Variants in ADGRB3 observed in about 807,000 individuals in gnomAD.
ADGRB3 encodes the protein brain-specific angiogenesis inhibitor 3.
A neutral mutation model predicts 193.4 loss-of-function variants in ADGRB3; 37 were observed. That is an observed-to-expected ratio of 0.19 (90% CI 0.15 to 0.25). The LOEUF is 0.25. Ranked by LOEUF, ADGRB3 falls within the 10% of genes least tolerant of loss-of-function variation. The probability of loss-of-function intolerance (pLI) is 1.00; values close to 1 mark genes in which losing one functional copy is unlikely to be tolerated. For missense variants in ADGRB3, 1,637 were observed against 1,852.9 expected (o/e 0.88, Z 2.14); for synonymous variants, 690 against 644.2 (o/e 1.07, Z -1.08).
rs563244372 is a variant in ADGRB3 at position 68,730,328 on chromosome 6, CTT to C, written c.757+90898_757+90899del. On this transcript the variant is annotated intron_variant, in intron 3 of 31. Coordinates refer to ENST00000370598, the MANE Select transcript of ADGRB3 (RefSeq NM_001704.3). ...AATAAATCCAATAAGGGGAATAACA[CTT>C]TATGTATGTATAATATTTATTAATA... Among the ~76,000 whole-genome samples, 21 of 151,570 alleles carry C rather than the reference CTT, an allele frequency of 1.4e-4. No homozygotes were observed. In the East Asian group the frequency reaches 3.7e-3, roughly 27 times the overall value.
intron 24 of ADGRB3, among the ~76,000 whole-genome samples, chr6:69,333,441 T>G (rs933740946): frequency 6.6e-6 from 1 of 152,104 alleles, no homozygotes; most frequent in Admixed American, 6.6e-5. Context: ...TTTGACTAAT[T>G]GTATATATCA....
chr6:69,153,131 A>C (rs763154129), intron 17 of ADGRB3, among the ~76,000 whole-genome samples: 27 of 152,104 alleles, frequency 1.8e-4, no homozygotes, highest in Non-Finnish European at 3.8e-4. Context: ...GAAACCCTGC[A>C]TGCAAAACAA....
At chr6:69,373,804 C>G (rs975305486) in intron 30 of ADGRB3, among the ~76,000 whole-genome samples, 3 of 152,024 alleles carry the variant, frequency 2.0e-5, no homozygotes, top group Non-Finnish European at 2.9e-5. Flanking sequence ...AATTAACCCA[C>G]TAGGCATCAG....
At chr6:69,197,396 G>A (rs989283407) in intron 17 of ADGRB3, among the ~76,000 whole-genome samples, 1 of 148,310 alleles carries the variant, frequency 6.7e-6, no homozygotes, top group Admixed American at 6.8e-5. Context: ...AGCAAAGTGT[G>A]CTTCATGATT....
chr6:69,073,054 T>G (rs78271025), intron 16 of ADGRB3, among the ~76,000 whole-genome samples: 11,758 of 152,260 alleles, frequency 0.077, 563 homozygotes, highest in Non-Finnish European at 0.11. Context: ...GACACTCCAT[T>G]CCCCCATTTG....
intron 3 of ADGRB3, among the ~76,000 whole-genome samples, chr6:68,771,198 A>C (rs1010933340): frequency 6.6e-6 from 1 of 152,108 alleles, no homozygotes; most frequent in African/African-American, 2.4e-5. Context: ...TTCCATGACA[A>C]ATTTGGGGAC....
chr6:68,850,195 T>A (rs1396075380), intron 3 of ADGRB3, among the ~76,000 whole-genome samples: 1 of 151,966 alleles, frequency 6.6e-6, no homozygotes, highest in Admixed American at 6.6e-5. Context: ...CATTTTACCA[T>A]GGATTCTCGA....
At chr6:68,999,577 C>T (rs1397218612) in intron 11 of ADGRB3, among the ~76,000 whole-genome samples, 1 of 152,118 alleles carries the variant, frequency 6.6e-6, no homozygotes. Context: ...TTTCCCTTTT[C>T]TCATCTGACT....
intron 3 of ADGRB3, among the ~76,000 whole-genome samples, chr6:68,684,397 A>G (rs1221551671): frequency 1.3e-5 from 2 of 152,148 alleles, no homozygotes; most frequent in Middle Eastern, 3.2e-3. Flanking sequence ...TTAAAGCTCA[A>G]TTTCCATCTT....
intron 17 of ADGRB3, among the ~76,000 whole-genome samples, chr6:69,167,477 T>G (rs1404806549): frequency 1.3e-5 from 2 of 152,186 alleles, no homozygotes; most frequent in African/African-American, 4.8e-5. Flanking sequence ...TCCTCTAACT[T>G]ATACAGTATG....
intron 20 of ADGRB3, among the ~76,000 whole-genome samples, chr6:69,282,544 A>G (rs576832249): frequency 6.6e-6 from 1 of 152,318 alleles, no homozygotes; most frequent in South Asian, 2.1e-4. Flanking sequence ...TTCATAAAGT[A>G]CTTATAGGAC....
chr6:69,348,148 C>A (rs1463382464), intron 26 of ADGRB3, among the ~76,000 whole-genome samples: 1 of 152,088 alleles, frequency 6.6e-6, no homozygotes, highest in Non-Finnish European at 1.5e-5. Flanking sequence ...AAGGGGTTAA[C>A]AAGAGTATGA....
intron 26 of ADGRB3, among the ~76,000 whole-genome samples, chr6:69,350,374 C>A (rs1253327495): frequency 1.3e-5 from 2 of 150,902 alleles, no homozygotes; most frequent in African/African-American, 4.9e-5. Flanking sequence ...AGTTACATAT[C>A]TGTTCCTTGC....
intron 15 of ADGRB3, among the ~76,000 whole-genome samples, chr6:69,060,797 A>G (rs919434505): frequency 6.6e-6 from 1 of 152,050 alleles, no homozygotes; most frequent in African/African-American, 2.4e-5. Context: ...AGAAATGTTC[A>G]TAATTTCTCT....
chr6:68,729,401 C>A (rs1005390268), intron 3 of ADGRB3, among the ~76,000 whole-genome samples: 7 of 151,620 alleles, frequency 4.6e-5, no homozygotes, highest in African/African-American at 1.7e-4. Context: ...CCATCTGATC[C>A]ATCATCAAGA....
At chr6:68,718,429 C>A (rs917971205) in intron 3 of ADGRB3, among the ~76,000 whole-genome samples, 6 of 151,752 alleles carry the variant, frequency 4.0e-5, no homozygotes, top group Non-Finnish European at 8.8e-5. Context: ...TTTTACAAAA[C>A]ATGACTGCCT....
At chr6:69,269,781 T>C (rs966529429) in intron 20 of ADGRB3, among the ~76,000 whole-genome samples, 3 of 152,184 alleles carry the variant, frequency 2.0e-5, no homozygotes, top group Non-Finnish European at 4.4e-5. Flanking sequence ...CTTGATACTT[T>C]AGTTTTATCA....
intron 3 of ADGRB3, among the ~76,000 whole-genome samples, chr6:68,876,386 C>T (rs1765595368): frequency 6.6e-6 from 1 of 152,024 alleles, no homozygotes; most frequent in Non-Finnish European, 1.5e-5. Flanking sequence ...ACTCATAAGA[C>T]CAAAGCACAG....
Position 68,639,280 on chromosome 6 carries a change from T to C in ADGRB3, c.605T>C (p.Leu202Ser), listed in dbSNP as rs1768024943. 6.2e-7 allele frequency: 1 copy of C among 1,613,924 alleles called. No individual in the cohort carries two copies. Among genetic ancestry groups the C allele is most frequent in the Admixed American group, 1.7e-5 (1 of 59,986 alleles). The change falls in exon 3 of 32, where the codon TTG becomes TCG. Residue 202 changes from leucine (L) to serine (S), a missense_variant. Physicochemically the swap from Leu to Ser is moderately radical, Grantham distance 145. Transcript: ENST00000370598. ...MYTKCTCPQH[L>S]GEWGIDDQSL... ...ACAAAATGCACCTGCCCTCAGCATT[T>C]GGGAGAGTGGGGGATCGACGACCAG...
Sources: gnomAD v4.1 joint callset for allele counts (sites outside exome capture counted in the v4.1 genomes callset) on GRCh38, gnomAD v4.1.1 for gene constraint, MANE v1.5 for transcripts, NCBI Gene and HGNC (gene_info 2026-07-23, HGNC 2026-07-21) for gene names.